Variants in CORO7 observed in about 807,000 individuals in gnomAD.
CORO7 encodes coronin 7.
CORO7 carries 107 observed loss-of-function variants against 126.6 expected under a neutral mutation model. The observed-to-expected ratio is 0.85, with a 90% confidence interval of 0.72 to 0.99. The LOEUF (loss-of-function observed/expected upper bound fraction) is 0.99. Among genes scored for constraint, CORO7 ranks in the 50% least tolerant of loss-of-function variants. The probability of loss-of-function intolerance (pLI) is 0.00; values close to 1 mark genes in which losing one functional copy is unlikely to be tolerated. For synonymous variants in CORO7, 603 were observed against 536.8 expected, an observed-to-expected ratio of 1.12 and a Z score of -1.70; for missense variants, 1,314 against 1,255.8, an observed-to-expected ratio of 1.05 and a Z score of -0.70.
At chr16:4,382,473 C>T (rs375299971) in intron 9 of CORO7, 75 of 1,605,656 alleles carry the variant, frequency 4.7e-5, no homozygotes, top group Admixed American at 1.0e-4. Context: ...CCACTTACTC[C>T]GTCTGTGTCA....
intron 9 of CORO7, among the ~76,000 whole-genome samples, chr16:4,378,440 T>C (rs973619725): frequency 1.3e-5 from 2 of 152,044 alleles, no homozygotes; most frequent in African/African-American, 4.8e-5. Context: ...GGAGGGCTAA[T>C]TCAGGCAGAG....
At chr16:4,388,782 A>T in intron 7 of CORO7, 151 bp from the exon 8 acceptor site, 1 of 851,188 alleles carries the variant, frequency 1.2e-6, no homozygotes. Context: ...CCACGTCCCC[A>T]CTGGGACCAA....
chr16:4,355,006 G>T lies in CORO7; in HGVS notation c.*152C>A, dbSNP rs2053927116. ...AAACAGTCCCTGGGAACTGCCAGAGGCCCAGAGGATGTGGAAGTGCCCACG... is the reference window on the plus strand; with the variant it reads ...AAACAGTCCCTGGGAACTGCCAGAGTCCCAGAGGATGTGGAAGTGCCCACG... On this transcript the variant is annotated 3_prime_UTR_variant, in exon 28 of 28. Coordinates refer to ENST00000251166, the MANE Select transcript of CORO7 (RefSeq NM_024535.5). The T allele has an allele frequency of 2.6e-6, 2 of 777,862 alleles. No individual in the cohort carries two copies. The highest frequency in any genetic ancestry group is 3.8e-6 in the Non-Finnish European group (2 of 520,306). The allele number at this position is 777,862 out of a possible 1,614,324, so 48.2% of individuals were successfully genotyped here.
At chr16:4,391,958 C>A (rs1274833943) in intron 7 of CORO7, among the ~76,000 whole-genome samples, 1 of 152,208 alleles carries the variant, frequency 6.6e-6, no homozygotes, top group African/African-American at 2.4e-5. Flanking sequence ...CCTTCATCAC[C>A]ATGGCGACAC....
chr16:4,370,252 T>C (rs145533850), intron 9 of CORO7, among the ~76,000 whole-genome samples: 1 of 152,304 alleles, frequency 6.6e-6, no homozygotes, highest in East Asian at 1.9e-4. Context: ...GACAAGAGGC[T>C]GCACAGCACT....
Position 4,362,034 on chromosome 16 carries a change from C to T in CORO7, c.1529G>A (p.Arg510His), listed in dbSNP as rs367786074. 123 of 1,612,690 alleles carry T rather than the reference C, an allele frequency of 7.6e-5. No homozygotes were observed. The highest frequency in any genetic ancestry group is 2.5e-4 in the Admixed American group (15 of 59,970). Residue 510 changes from arginine to histidine, a missense_variant, in exon 16 of 28, where the codon CGT becomes CAT. Arg to His is a conservative substitution (Grantham distance 29). Transcript: ENST00000251166. The surrounding 1 kb of genome is among the most constrained non-coding windows in gnomAD (Gnocchi z 5.3). Reference sequence around the variant, plus strand: ...GCTGCTGAGCAGCGGCACGGCCACACGCAGCTTGTTGGCACAGAAGCCGTC... The same window carrying T: ...GCTGCTGAGCAGCGGCACGGCCACATGCAGCTTGTTGGCACAGAAGCCGTC... ...ESDGFCANKL[R>H]VAVPLLSSGG... is the part of the protein sequence containing the mutation.
chr16:4,369,072 T>A (rs2054436620), intron 9 of CORO7, among the ~76,000 whole-genome samples: 1 of 152,186 alleles, frequency 6.6e-6, no homozygotes, highest in Non-Finnish European at 1.5e-5. Flanking sequence ...CTCACCCCCG[T>A]TCCATCGTCC....
intron 3 of CORO7, among the ~76,000 whole-genome samples, chr16:4,411,053 A>C (rs943604510): frequency 1.2e-4 from 19 of 152,342 alleles, no homozygotes; most frequent in African/African-American, 4.6e-4. Flanking sequence ...GAAACGTTCC[A>C]AAACTGGATG....
At chr16:4,381,231 G>C (rs767155227) in intron 9 of CORO7, 1 of 1,612,094 alleles carries the variant, frequency 6.2e-7, no homozygotes, top group Non-Finnish European at 8.5e-7. Flanking sequence ...TCACCAATGA[G>C]ACCTTCCGTG....
chr16:4,383,166 T>A, intron 9 of CORO7: 1 of 429,278 alleles, frequency 2.3e-6, no homozygotes, highest in Non-Finnish European at 4.2e-6. Flanking sequence ...GTGCAGTCCC[T>A]GGGCACGGCG....
At chr16:4,416,231 C>T (rs890222318) in intron 1 of CORO7, among the ~76,000 whole-genome samples, 1 of 152,156 alleles carries the variant, frequency 6.6e-6, no homozygotes, top group Non-Finnish European at 1.5e-5. Flanking sequence ...GGGCAGACCG[C>T]CAGGGTCACC....
At chr16:4,404,791 G>A (rs923280168) in intron 6 of CORO7, among the ~76,000 whole-genome samples, 40 of 151,908 alleles carry the variant, frequency 2.6e-4, no homozygotes, top group African/African-American at 8.5e-4. Context: ...TCACCTCCCC[G>A]CAGGCTGCCA....
Position 4,388,018 on chromosome 16 carries a change from G to C in CORO7, c.753C>G (p.Ala251=). Reference sequence around the variant, plus strand: ...AGGTGTCCAAGGTGAGGGAGGCCAGGGCGCTGGAGAAGAACCGCGTGTCCC... The same window carrying C: ...AGGTGTCCAAGGTGAGGGAGGCCAGCGCGCTGGAGAAGAACCGCGTGTCCC... The part of the protein sequence containing the change: ...KLWDTRFFSS[A]LASLTLDTSL... Residue 251 remains alanine (A), a synonymous_variant, in exon 9 of 28, where the codon GCC becomes GCG. Transcript: ENST00000251166. 1 of 1,613,172 alleles carries C rather than the reference G, an allele frequency of 6.2e-7. No individual in the cohort carries two copies. The highest frequency in any genetic ancestry group is 8.5e-7 in the Non-Finnish European group (1 of 1,179,924).
intron 9 of CORO7, among the ~76,000 whole-genome samples, chr16:4,366,208 C>A (rs1445833954): frequency 6.6e-6 from 1 of 152,216 alleles, no homozygotes; most frequent in African/African-American, 2.4e-5. Context: ...CTGCCCCGGC[C>A]GAGCCTGCCA....
At chr16:4,366,264 C>A (rs1041755303) in intron 9 of CORO7, among the ~76,000 whole-genome samples, 1 of 152,290 alleles carries the variant, frequency 6.6e-6, no homozygotes, top group Non-Finnish European at 1.5e-5. Context: ...AGGAGCAGGG[C>A]GGGGTGGCAG....
Position 4,364,313 on chromosome 16 carries a change from G to T in CORO7, c.1238C>A (p.Ala413Glu). Residue 413 changes from alanine (A) to glutamate (E), a missense_variant, in exon 14 of 28, where the codon GCG becomes GAG. Physicochemically the swap from Ala to Glu is moderately radical, Grantham distance 107. Coordinates refer to ENST00000251166, the MANE Select transcript of CORO7 (RefSeq NM_024535.5). ...AEPLPDTAQPAVMETPVGDAD... is the reference protein window; with the variant it reads ...AEPLPDTAQPEVMETPVGDAD... ...ATCACCCACGGGTGTCTCCATCACC[G>T]CAGGCTGGGCTGTGTCAGGGAGGGG... is the stretch of plus-strand genomic sequence containing the variant. The T allele has an allele frequency of 1.9e-6, 3 of 1,544,012 alleles. No individual in the cohort carries two copies. The highest frequency in any genetic ancestry group is 1.4e-5 in the African/African-American group (1 of 72,380).
intron 8 of CORO7, 134 bp from the exon 9 acceptor site, chr16:4,388,202 G>T: frequency 8.9e-7 from 1 of 1,122,408 alleles, no homozygotes. Context: ...TGGAGTGGGG[G>T]TGGGAGTCAC....
chr16:4,416,582 T>C lies in CORO7; in HGVS notation c.-64A>G. On this transcript the variant is annotated 5_prime_UTR_variant, in exon 1 of 28. Transcript: ENST00000251166. ...CGGGCGTCGGGTCTCAGGTGCACGC[T>C]GAGCAACCGCGACTCCCGCTGCCTC... 3 of 1,545,238 alleles carry C rather than the reference T, an allele frequency of 1.9e-6. No homozygotes were observed. Among genetic ancestry groups the C allele is most frequent in the East Asian group, 2.7e-5 (1 of 37,632 alleles).
At chr16:4,411,048 G>A (rs80146641) in intron 3 of CORO7, among the ~76,000 whole-genome samples, 7,856 of 152,202 alleles carry the variant, frequency 0.052, 244 homozygotes, top group Admixed American at 0.1. Flanking sequence ...TGATGGAAAC[G>A]TTCCAAAACT....
Sources: gnomAD v4.1 joint callset for allele counts (sites outside exome capture counted in the v4.1 genomes callset) on GRCh38, gnomAD v4.1.1 for gene constraint, Gnocchi (gnomAD v3.1) non-coding constraint, MANE v1.5 for transcripts, NCBI Gene and HGNC (gene_info 2026-07-23, HGNC 2026-07-21) for gene names.